Variants in OTUD7A observed in about 807,000 individuals in gnomAD.
OTUD7A encodes the protein OTU domain-containing protein 7A.
Under a neutral mutation model 65.7 loss-of-function variants are expected in OTUD7A, and 12 were observed. The ratio of observed to expected loss-of-function variants is 0.18; its 90% CI spans 0.12 to 0.30. OTUD7A has a LOEUF of 0.30. OTUD7A is among the 10% of genes least tolerant of loss of function. OTUD7A has a pLI of 1.00. For missense variants in OTUD7A, 1,148 were observed against 1,304.8 expected (o/e 0.88, Z 1.85); for synonymous variants, 641 against 586.3 (o/e 1.09, Z -1.35).
chr15:31,613,673 T>C (rs1023924297), intron 3 of OTUD7A, among the ~76,000 whole-genome samples: 1 of 152,138 alleles, frequency 6.6e-6, no homozygotes, highest in African/African-American at 2.4e-5. Context: ...GATGCAGTGA[T>C]CAGGGAACAC....
chr15:31,758,254 C>T (rs1894868343), intron 1 of OTUD7A, among the ~76,000 whole-genome samples: 1 of 152,144 alleles, frequency 6.6e-6, no homozygotes, highest in Admixed American at 6.5e-5. Context: ...CACACACACA[C>T]ACACAAAATC....
rs1451493451 is a variant in OTUD7A at position 31,617,895 on chromosome 15, A to T, written c.151+37201T>A. ...CTGCACCCATTAATTCGTCATTCAC[A>T]TTACGCATATCTCCTAATGCTATCC... On this transcript the variant is annotated intron_variant, in intron 3 of 12. Transcript: ENST00000307050. Among the ~76,000 whole-genome samples the T allele has an allele frequency of 2.6e-5, 4 of 152,052 alleles. No individual in the cohort carries two copies. The East Asian group carries it at 7.7e-4, about 29-fold the overall frequency.
At chr15:31,726,132 T>C (rs972357154) in intron 1 of OTUD7A, among the ~76,000 whole-genome samples, 1 of 152,074 alleles carries the variant, frequency 6.6e-6, no homozygotes, top group Non-Finnish European at 1.5e-5. Flanking sequence ...AGCTCCTTTT[T>C]CTTCTCTGTC....
At chr15:31,654,133 A>C (rs1430734568) in intron 3 of OTUD7A, among the ~76,000 whole-genome samples, 1 of 88,714 alleles carries the variant, frequency 1.1e-5, no homozygotes, top group Non-Finnish European at 2.3e-5. Context: ...AATGAAAATA[A>C]TGGAAACTGA....
At chr15:31,803,976 A>C (rs1285261112) in intron 1 of OTUD7A, among the ~76,000 whole-genome samples, 3 of 152,214 alleles carry the variant, frequency 2.0e-5, no homozygotes, top group Non-Finnish European at 4.4e-5. Flanking sequence ...TGACAAGCTT[A>C]ATCCCCTTAT....
intron 1 of OTUD7A, among the ~76,000 whole-genome samples, chr15:31,849,541 A>C (rs1292776328): frequency 6.6e-6 from 1 of 152,240 alleles, no homozygotes; most frequent in Non-Finnish European, 1.5e-5. Flanking sequence ...ACAAAAGCCA[A>C]AATAGACAAA....
chr15:31,869,831 C>G (rs1897977770), intron 1 of OTUD7A, among the ~76,000 whole-genome samples: 1 of 152,226 alleles, frequency 6.6e-6, no homozygotes, highest in Non-Finnish European at 1.5e-5. Flanking sequence ...GATGACATCA[C>G]TGACATCTCC....
At chr15:31,747,645 A>T (rs1274915129) in intron 1 of OTUD7A, among the ~76,000 whole-genome samples, 1 of 152,244 alleles carries the variant, frequency 6.6e-6, no homozygotes, top group Non-Finnish European at 1.5e-5. Context: ...CATACAGAAG[A>T]ATGCCAGTGT....
intron 3 of OTUD7A, among the ~76,000 whole-genome samples, chr15:31,574,775 G>A (rs1255112919): frequency 6.6e-6 from 1 of 152,138 alleles, no homozygotes; most frequent in Non-Finnish European, 1.5e-5. Context: ...CTACTTTTCT[G>A]CAAGCCTGCC....
chr15:31,810,852 C>T (rs1279361883), intron 1 of OTUD7A, among the ~76,000 whole-genome samples: 2 of 152,214 alleles, frequency 1.3e-5, no homozygotes, highest in Non-Finnish European at 2.9e-5. Context: ...TCTGTGGTAT[C>T]AGCCAGCTCA....
At chr15:31,726,443 C>T (rs1893890746) in intron 1 of OTUD7A, among the ~76,000 whole-genome samples, 1 of 151,640 alleles carries the variant, frequency 6.6e-6, no homozygotes, top group South Asian at 2.1e-4. Context: ...AAAAAAAATC[C>T]CTTGAACAGT....
intron 1 of OTUD7A, among the ~76,000 whole-genome samples, chr15:31,798,358 A>C (rs896608718): frequency 6.6e-6 from 1 of 152,028 alleles, no homozygotes; most frequent in African/African-American, 2.4e-5. Flanking sequence ...TCTTTCACTC[A>C]AGTGTTTGTG....
chr15:31,711,760 A>C (rs2654057), intron 1 of OTUD7A, among the ~76,000 whole-genome samples: 74,125 of 106,846 alleles, frequency 0.69, 26,626 homozygotes, highest in South Asian at 0.74. Flanking sequence ...TATTGGAAAT[A>C]AAGGAGAAGA....
In OTUD7A at chr15:31,769,087, T is replaced by G. The variant is rs561860914; in HGVS notation, c.-100+101420A>C. On this transcript the variant is annotated intron_variant, in intron 1 of 12. Coordinates refer to ENST00000307050, the MANE Select transcript of OTUD7A (RefSeq NM_001382637.1). ...TCGATTATTGGAATGAATTTAAAAATAAGACTCAACAATATGCTTTCTCTA... is the reference window on the plus strand; with the variant it reads ...TCGATTATTGGAATGAATTTAAAAAGAAGACTCAACAATATGCTTTCTCTA... Among the ~76,000 whole-genome samples the G allele has an allele frequency of 1.2e-4, 18 of 152,290 alleles. 1 individual carries two copies. The highest frequency in any genetic ancestry group is 6.8e-3 in the Middle Eastern group (2 of 294).
intron 2 of OTUD7A, 31 bp from the exon 3 acceptor site, chr15:31,655,281 C>T (rs780516902): frequency 1.1e-5 from 11 of 998,920 alleles, no homozygotes; most frequent in Non-Finnish European, 1.6e-5. Flanking sequence ...GGCATTTTAC[C>T]ACGTGATGGA....
At chr15:31,647,869 G>A (rs142739958) in intron 3 of OTUD7A, among the ~76,000 whole-genome samples, 1 of 152,014 alleles carries the variant, frequency 6.6e-6, no homozygotes, top group South Asian at 2.1e-4. Flanking sequence ...TTTCAACAGG[G>A]AGGCAGTGTG....
intron 1 of OTUD7A, among the ~76,000 whole-genome samples, chr15:31,838,014 C>T (rs1897097391): frequency 6.6e-6 from 1 of 152,184 alleles, no homozygotes; most frequent in African/African-American, 2.4e-5. Context: ...GTAGAAAAAG[C>T]AATTCAATGG....
Position 31,559,013 on chromosome 15 carries a change from C to T in OTUD7A, c.506G>A (p.Arg169Gln), listed in dbSNP as rs751971186. 21 of 1,614,106 alleles carry T rather than the reference C, an allele frequency of 1.3e-5. No individual in the cohort carries two copies. The highest frequency in any genetic ancestry group is 8.8e-5 in the South Asian group (8 of 91,086). ...YSEDFRSFIERDLIEQATMVA... is the reference protein window; with the variant it reads ...YSEDFRSFIEQDLIEQATMVA... ...CATTGTTGCCTGCTCGATCAAGTCC[C>T]GCTCGATGAAGCTCCTGAAATCCTC... is the stretch of plus-strand genomic sequence containing the variant. The change falls in exon 5 of 13, where the codon CGG becomes CAG. Residue 169 changes from arginine (R) to glutamine (Q), a missense_variant. This residue lies in a region of OTUD7A where 134 missense variants were observed against 252.6 expected (regional missense o/e 0.53). Transcript: ENST00000307050.
chr15:31,681,340 T>C (rs1463925467), intron 1 of OTUD7A, among the ~76,000 whole-genome samples: 1 of 151,622 alleles, frequency 6.6e-6, no homozygotes, highest in Non-Finnish European at 1.5e-5. Context: ...GCCACCCACC[T>C]ATGCATGTTT....
Sources: allele counts gnomAD v4.1 joint callset (sites outside exome capture counted in the v4.1 genomes callset), GRCh38; gene constraint gnomAD v4.1.1; regional missense constraint gnomAD v4.1.1; transcripts MANE v1.5; gene names NCBI Gene and HGNC (gene_info 2026-07-23, HGNC 2026-07-21).